SHISA9: variants seen among roughly 807,000 people sequenced by gnomAD.
SHISA9 encodes protein shisa-9.
Under a neutral mutation model 38.0 loss-of-function variants are expected in SHISA9, and 13 were observed. That is an observed-to-expected ratio of 0.34 (90% CI 0.22 to 0.54). The LOEUF (loss-of-function observed/expected upper bound fraction) is 0.54, where lower values mean the gene tolerates loss of function less well. Among genes scored for constraint, SHISA9 ranks in the 20% least tolerant of loss-of-function variants. SHISA9 has a pLI of 0.91. For missense variants in SHISA9, 538 were observed against 575.8 expected (o/e 0.93, Z 0.67); for synonymous variants, 275 against 242.0 (o/e 1.14, Z -1.27).
intron 2 of SHISA9, among the ~76,000 whole-genome samples, chr16:13,029,215 A>T (rs548651774): frequency 1.6e-4 from 25 of 152,354 alleles, no homozygotes; most frequent in African/African-American, 5.1e-4. Context: ...TGTTCACAAT[A>T]GCCAGATTTG....
chr16:13,105,018 A>G (rs900114925), intron 2 of SHISA9, among the ~76,000 whole-genome samples: 1 of 152,174 alleles, frequency 6.6e-6, no homozygotes, highest in African/African-American at 2.4e-5. Context: ...ACTACTTCAT[A>G]GGGTTGTTGT....
At chr16:13,028,685 A>T (rs548421003) in intron 2 of SHISA9, among the ~76,000 whole-genome samples, 1 of 152,362 alleles carries the variant, frequency 6.6e-6, no homozygotes, top group African/African-American at 2.4e-5. Context: ...AACCATATCA[A>T]AAGCCTTCAG....
chr16:13,370,713 T>C, the SHISA9 span, among the ~76,000 whole-genome samples: 76 of 152,240 alleles, frequency 5.0e-4, no homozygotes, highest in African/African-American at 1.8e-3. Flanking sequence ...TTTGAGGGAG[T>C]GTTTGGTTAG....
the SHISA9 span, among the ~76,000 whole-genome samples, chr16:13,265,236 TCCCTTCCCTTTCTTC>T: frequency 1.0e-5 from 1 of 96,584 alleles, no homozygotes; most frequent in Non-Finnish European, 2.0e-5. Flanking sequence ...TTCCCTCCCC[TCCCTTCCCTTTCTTC>T]CCCTTCCCTT....
intron 2 of SHISA9, among the ~76,000 whole-genome samples, chr16:13,046,013 C>G (rs1265285210): frequency 6.6e-6 from 1 of 152,192 alleles, no homozygotes; most frequent in African/African-American, 2.4e-5. Flanking sequence ...TCCAAATAAC[C>G]ATCAAAGCCC....
chr16:13,485,785 T>C, the SHISA9 span, among the ~76,000 whole-genome samples: 1 of 152,316 alleles, frequency 6.6e-6, no homozygotes, highest in East Asian at 1.9e-4. Context: ...TTTCTTCATC[T>C]CTCCACACTG....
At chr16:13,248,519 C>A in the SHISA9 span, among the ~76,000 whole-genome samples, 3 of 152,082 alleles carry the variant, frequency 2.0e-5, no homozygotes, top group Non-Finnish European at 4.4e-5. Flanking sequence ...GTTATGTGAC[C>A]TTGGGGAAGC....
At chr16:13,140,617 G>A (rs1049710560) in intron 2 of SHISA9, among the ~76,000 whole-genome samples, 2 of 152,130 alleles carry the variant, frequency 1.3e-5, no homozygotes, top group African/African-American at 4.8e-5. Context: ...CTAGGTACTG[G>A]GGATGCAGGG....
At chr16:13,198,942 C>G (rs2050976985) in intron 2 of SHISA9, among the ~76,000 whole-genome samples, 1 of 152,204 alleles carries the variant, frequency 6.6e-6, no homozygotes, top group African/African-American at 2.4e-5. Context: ...TAACTACTCA[C>G]TGCCCCTGAG....
chr16:13,488,261 G>A, the SHISA9 span, among the ~76,000 whole-genome samples: 1 of 148,378 alleles, frequency 6.7e-6, no homozygotes, highest in African/African-American at 2.5e-5. Context: ...AAAAAAAAAA[G>A]GAATTAGTTA....
At chr16:13,362,945 G>A in the SHISA9 span, among the ~76,000 whole-genome samples, 1 of 152,098 alleles carries the variant, frequency 6.6e-6, no homozygotes, top group Non-Finnish European at 1.5e-5. Context: ...GAATGCTGAT[G>A]CCAACTAATA....
chr16:13,203,500 G>C lies in SHISA9; in HGVS notation c.798G>C (p.Gln266His). The change falls in exon 3 of 5, where the codon CAG becomes CAC. Residue 266 changes from glutamine to histidine, a missense_variant. Gln to His is a conservative substitution (Grantham distance 24). Coordinates refer to ENST00000558583, the MANE Select transcript of SHISA9 (RefSeq NM_001145204.3). ...GCCAGATCTCCAACCCCTATGAACA[G>C]CAGCCACCAGGAAAAGAGCTCAACA... ...NLGQISNPYEQQPPGKELNKY... is the reference protein window; with the variant it reads ...NLGQISNPYEHQPPGKELNKY... 3 of 1,548,096 alleles carry C rather than the reference G, an allele frequency of 1.9e-6. No homozygotes were observed. The highest frequency in any genetic ancestry group is 2.6e-6 in the Non-Finnish European group (3 of 1,145,342).
In SHISA9 at chr16:12,944,624, G is replaced by A. The variant is rs146972496; in HGVS notation, c.691+27809G>A. ...GTTTGAAGGACTTTGGGAAGGTAGC[G>A]TTCCATGAAATGACCCTGGCATTGG... On this transcript the variant is annotated intron_variant, in intron 2 of 4. Transcript: ENST00000558583. 2.0e-3 allele frequency among the ~76,000 whole-genome samples: 303 copies of A among 152,250 alleles called. 4 individuals are homozygous for A. Among genetic ancestry groups the A allele is most frequent in the African/African-American group, 6.6e-3 (274 of 41,542 alleles).
At chr16:12,912,736 C>T (rs1010046266) in intron 1 of SHISA9, among the ~76,000 whole-genome samples, 2 of 152,192 alleles carry the variant, frequency 1.3e-5, no homozygotes, top group African/African-American at 2.4e-5. Context: ...GATTGCATCT[C>T]CTCCCAATCC....
In SHISA9 at chr16:12,902,211, C is replaced by T; in HGVS notation, c.147C>T (p.Ala49=). 2 of 1,533,566 alleles carry T rather than the reference C, an allele frequency of 1.3e-6. No individual in the cohort carries two copies. Among genetic ancestry groups the T allele is most frequent in the Non-Finnish European group, 1.7e-6 (2 of 1,144,398 alleles). 95.0% of individuals were successfully genotyped at this position (1,533,566 alleles called of 1,614,324 possible). A position where few individuals can be genotyped will look rare whatever the true frequency, so the allele number is the denominator to read the frequency against. ...LLLAGGNRSG[A]ASGEASEGAE... ...TGGCGGGGGGCAACCGCTCCGGGGC[C>T]GCCTCCGGAGAGGCCAGCGAGGGCG... Residue 49 remains alanine, a synonymous_variant, in exon 1 of 5, where the codon GCC becomes GCT. Coordinates refer to ENST00000558583, the MANE Select transcript of SHISA9 (RefSeq NM_001145204.3).
At chr16:13,263,861 T>G in the SHISA9 span, among the ~76,000 whole-genome samples, 1 of 152,282 alleles carries the variant, frequency 6.6e-6, no homozygotes, top group South Asian at 2.1e-4. Context: ...TTCTTGTGAT[T>G]CTATAAATAA....
At chr16:13,365,623 A>ATTT in the SHISA9 span, among the ~76,000 whole-genome samples, 1 of 151,692 alleles carries the variant, frequency 6.6e-6, no homozygotes, top group Admixed American at 6.6e-5. Flanking sequence ...CGCCTGGCTA[A>ATTT]TTTTTTTATA....
At chr16:13,358,643 A>G in the SHISA9 span, among the ~76,000 whole-genome samples, 1 of 152,198 alleles carries the variant, frequency 6.6e-6, no homozygotes, top group Non-Finnish European at 1.5e-5. Context: ...TCACCAATAC[A>G]TTCAGCATAA....
chr16:12,970,404 CATATATATATAT>C (rs1265670441), intron 2 of SHISA9, among the ~76,000 whole-genome samples: 657 of 11,596 alleles, frequency 0.057, 25 homozygotes, highest in African/African-American at 0.12. Flanking sequence ...TATATATATA[CATATATATATAT>C]ACACATATAT....
Sources: allele counts gnomAD v4.1 joint callset (sites outside exome capture counted in the v4.1 genomes callset), GRCh38; gene constraint gnomAD v4.1.1; transcripts MANE v1.5; gene names NCBI Gene and HGNC (gene_info 2026-07-23, HGNC 2026-07-21).